LRRC3B: variants seen among roughly 807,000 people sequenced by gnomAD.
The protein encoded by LRRC3B is leucine rich repeat containing 3B, also known as leucine-rich repeat-containing protein 3B.
In LRRC3B, 2 loss-of-function variants were observed where a neutral mutation model predicts 12.8. That is an observed-to-expected ratio of 0.16 (90% confidence interval 0.06 to 0.49). The LOEUF (loss-of-function observed/expected upper bound fraction) is 0.49. Among genes scored for constraint, LRRC3B ranks in the 20% least tolerant of loss-of-function variants. The probability of loss-of-function intolerance (pLI) is 0.96; values close to 1 mark genes in which losing one functional copy is unlikely to be tolerated. For synonymous variants in LRRC3B, 132 were observed against 122.0 expected, an observed-to-expected ratio of 1.08 and a Z score of -0.54; for missense variants, 189 against 319.4, an observed-to-expected ratio of 0.59 and a Z score of 3.11.
chr3:26,671,231 G>T (rs1358541578), intron 1 of LRRC3B, among the ~76,000 whole-genome samples: 3 of 144,876 alleles, frequency 2.1e-5, no homozygotes, highest in African/African-American at 7.7e-5. Context: ...TAGCCGGGAT[G>T]GTCTCGATCT....
intron 1 of LRRC3B, among the ~76,000 whole-genome samples, chr3:26,635,956 A>T (rs888325922): frequency 6.6e-6 from 1 of 152,198 alleles, no homozygotes; most frequent in African/African-American, 2.4e-5. Flanking sequence ...AGAAAAAATA[A>T]ATTATTTTAG....
At chr3:26,657,219 A>G (rs1162280491) in intron 1 of LRRC3B, among the ~76,000 whole-genome samples, 1 of 152,238 alleles carries the variant, frequency 6.6e-6, no homozygotes, top group Non-Finnish European at 1.5e-5. Context: ...AAATAAAAAT[A>G]GTAAATTTTA....
chr3:26,658,487 T>C (rs1161348081), intron 1 of LRRC3B, among the ~76,000 whole-genome samples: 1 of 152,210 alleles, frequency 6.6e-6, no homozygotes, highest in African/African-American at 2.4e-5. Flanking sequence ...ATGCAGTAGA[T>C]CTAGGATGGG....
chr3:26,699,884 G>T (rs1043463921), intron 1 of LRRC3B, among the ~76,000 whole-genome samples: 2 of 152,220 alleles, frequency 1.3e-5, no homozygotes, highest in East Asian at 3.9e-4. Context: ...CAGAGACATC[G>T]TGGTATCTTT....
chr3:26,631,688 C>A (rs762312489), intron 1 of LRRC3B, among the ~76,000 whole-genome samples: 1 of 151,146 alleles, frequency 6.6e-6, no homozygotes, highest in Non-Finnish European at 1.5e-5. Flanking sequence ...AAGGCTTTGA[C>A]CTTGTAGGGG....
At position 26,647,889 on chromosome 3, in the gene LRRC3B, C is replaced by T. The variant is rs146956378; in HGVS notation, c.-161+24652C>T. Among the ~76,000 whole-genome samples, 729 of 152,238 alleles carry T rather than the reference C, an allele frequency of 4.8e-3. 3 individuals carry two copies. Among genetic ancestry groups the T allele is most frequent in the African/African-American group, 0.016 (680 of 41,528 alleles). Reference sequence around the variant, plus strand: ...GAATTTAAGCTACATATAGCTTCCCCGCGCCAAGCTTTGCTTAAAGAAAAT... The same window carrying T: ...GAATTTAAGCTACATATAGCTTCCCTGCGCCAAGCTTTGCTTAAAGAAAAT... On this transcript the variant is annotated intron_variant, in intron 1 of 1. Transcript: ENST00000396641.
intron 1 of LRRC3B, among the ~76,000 whole-genome samples, chr3:26,645,350 T>C (rs1699120696): frequency 6.6e-6 from 1 of 152,130 alleles, no homozygotes; most frequent in African/African-American, 2.4e-5. Flanking sequence ...AAAGTAACTA[T>C]GAGACATAAA....
chr3:26,674,089 C>T (rs1469236479), intron 1 of LRRC3B, among the ~76,000 whole-genome samples: 1 of 152,154 alleles, frequency 6.6e-6, no homozygotes, highest in Non-Finnish European at 1.5e-5. Context: ...TTGAAACAAG[C>T]ATACTCTGCA....
chr3:26,674,101 T>G (rs1394671123), intron 1 of LRRC3B, among the ~76,000 whole-genome samples: 1 of 152,158 alleles, frequency 6.6e-6, no homozygotes, highest in Non-Finnish European at 1.5e-5. Context: ...TACTCTGCAT[T>G]TTATAGGTGA....
At chr3:26,704,243 T>C (rs753290710) in intron 1 of LRRC3B, among the ~76,000 whole-genome samples, 5 of 152,154 alleles carry the variant, frequency 3.3e-5, no homozygotes, top group Non-Finnish European at 7.4e-5. Flanking sequence ...CTCTTTAGGG[T>C]AATCTTTGGA....
chr3:26,649,358 C>T (rs1231593235), intron 1 of LRRC3B, among the ~76,000 whole-genome samples: 1 of 140,868 alleles, frequency 7.1e-6, no homozygotes, highest in African/African-American at 2.6e-5. Context: ...TTATTTGCCT[C>T]TCTGGTTTCT....
intron 1 of LRRC3B, among the ~76,000 whole-genome samples, chr3:26,650,464 G>C (rs998591636): frequency 6.6e-5 from 10 of 152,150 alleles, no homozygotes; most frequent in Non-Finnish European, 1.5e-4. Context: ...GGGTCACACA[G>C]CTCCCCCCAC....
At chr3:26,638,995 C>T (rs948600772) in intron 1 of LRRC3B, among the ~76,000 whole-genome samples, 4 of 152,120 alleles carry the variant, frequency 2.6e-5, no homozygotes, top group African/African-American at 9.7e-5. Flanking sequence ...GAAAGGATTG[C>T]ATTTCCAAAA....
intron 1 of LRRC3B, among the ~76,000 whole-genome samples, chr3:26,691,105 G>GTGTATATATATATA (rs372629683): frequency 0.031 from 2,625 of 84,580 alleles, 132 homozygotes; most frequent in African/African-American, 0.076. Flanking sequence ...GTGTGTGTGT[G>GTGTATATATATATA]TATATATATA....
intron 1 of LRRC3B, among the ~76,000 whole-genome samples, chr3:26,698,752 C>G (rs1347518566): frequency 1.3e-5 from 2 of 152,086 alleles, no homozygotes; most frequent in Non-Finnish European, 1.5e-5. Flanking sequence ...AATAATTTGA[C>G]AGCTGCGGTT....
intron 1 of LRRC3B, among the ~76,000 whole-genome samples, chr3:26,662,594 G>A (rs1184332146): frequency 6.6e-6 from 1 of 152,096 alleles, no homozygotes; most frequent in East Asian, 1.9e-4. Context: ...AGATAAACAG[G>A]CATGTATGTG....
chr3:26,631,654 T>A (rs748434299), intron 1 of LRRC3B, among the ~76,000 whole-genome samples: 1 of 152,226 alleles, frequency 6.6e-6, no homozygotes, highest in Non-Finnish European at 1.5e-5. Flanking sequence ...ACCTGCTTAG[T>A]AGAAGAAGAA....
At chr3:26,684,938 C>CTTTAT (rs58072949) in intron 1 of LRRC3B, among the ~76,000 whole-genome samples, 5,279 of 150,274 alleles carry the variant, frequency 0.035, 133 homozygotes, top group South Asian at 0.068. Flanking sequence ...ACACAGGTTT[C>CTTTAT]TTTATTTTAT....
At chr3:26,703,896 A>G (rs1307637455) in intron 1 of LRRC3B, among the ~76,000 whole-genome samples, 1 of 151,982 alleles carries the variant, frequency 6.6e-6, no homozygotes, top group African/African-American at 2.4e-5. Context: ...GAGGCATTAA[A>G]TTTAGGTTCA....
Sources: allele counts gnomAD v4.1 joint callset (sites outside exome capture counted in the v4.1 genomes callset), GRCh38; gene constraint gnomAD v4.1.1; transcripts MANE v1.5; gene names NCBI Gene and HGNC (gene_info 2026-07-23, HGNC 2026-07-21).